Variants in L3MBTL4 observed in about 807,000 individuals in gnomAD.
L3MBTL4 encodes L3MBTL histone methyl-lysine binding protein 4, also known as lethal(3)malignant brain tumor-like protein 4.
Under a neutral mutation model 84.5 loss-of-function variants are expected in L3MBTL4, and 70 were observed. The observed-to-expected ratio is 0.83, with a 90% confidence interval of 0.68 to 1.01. The LOEUF is 1.01. Among genes scored for constraint, L3MBTL4 ranks in the 50% least tolerant of loss-of-function variants. The pLI is 0.00. For missense variants in L3MBTL4, 715 were observed against 754.8 expected, an observed-to-expected ratio of 0.95 and a Z score of 0.62; for synonymous variants, 274 against 259.8, an observed-to-expected ratio of 1.05 and a Z score of -0.52.
intron 13 of L3MBTL4, among the ~76,000 whole-genome samples, chr18:6,152,047 G>C (rs113805725): frequency 2.6e-4 from 39 of 152,254 alleles, no homozygotes; most frequent in African/African-American, 9.1e-4. Context: ...CATGATATTG[G>C]AAATGACAGG....
At chr18:6,031,937 C>A in intron 16 of L3MBTL4, 1 of 684,360 alleles carries the variant, frequency 1.5e-6, no homozygotes. Context: ...TGGTTTGTAC[C>A]CATTAAAAGG....
intron 14 of L3MBTL4, among the ~76,000 whole-genome samples, chr18:6,129,366 C>CTGTGTGTG (rs761956097): frequency 0.029 from 4,082 of 138,854 alleles, 59 homozygotes; most frequent in Middle Eastern, 0.078. Context: ...CTGGAATTCT[C>CTGTGTGTG]TCTGTGTGTG....
At chr18:5,978,647 G>C (rs920423457) in intron 16 of L3MBTL4, among the ~76,000 whole-genome samples, 3 of 152,100 alleles carry the variant, frequency 2.0e-5, no homozygotes, top group African/African-American at 7.2e-5. Context: ...TGCTGGGTTG[G>C]GCATGCACAA....
At chr18:6,085,933 T>G (rs188376615) in intron 15 of L3MBTL4, among the ~76,000 whole-genome samples, 28 of 152,360 alleles carry the variant, frequency 1.8e-4, no homozygotes, top group African/African-American at 6.7e-4. Context: ...ATTCTTAATT[T>G]CTTAAAACTT....
intron 12 of L3MBTL4, among the ~76,000 whole-genome samples, chr18:6,184,816 G>C (rs749533587): frequency 5.3e-5 from 8 of 152,146 alleles, no homozygotes; most frequent in Non-Finnish European, 1.0e-4. Flanking sequence ...GCGTAAAAGT[G>C]AAGAAGTTGC....
intron 10 of L3MBTL4, among the ~76,000 whole-genome samples, chr18:6,225,410 T>C (rs1316086500): frequency 1.3e-5 from 2 of 152,116 alleles, no homozygotes; most frequent in Non-Finnish European, 2.9e-5. Flanking sequence ...AAAGCTCCCT[T>C]CCAGAGCACC....
intron 1 of L3MBTL4, among the ~76,000 whole-genome samples, chr18:6,370,708 CG>C (rs2054125708): frequency 6.6e-6 from 1 of 152,064 alleles, no homozygotes; most frequent in South Asian, 2.1e-4. Context: ...GAGACTGAGC[CG>C]GGAGGTAGAC....
intron 14 of L3MBTL4, among the ~76,000 whole-genome samples, chr18:6,117,830 T>G (rs2059402930): frequency 6.6e-6 from 1 of 152,208 alleles, no homozygotes; most frequent in African/African-American, 2.4e-5. Context: ...TTCTTAATAT[T>G]CACATATTGG....
intron 16 of L3MBTL4, among the ~76,000 whole-genome samples, chr18:6,039,332 C>A (rs1362053133): frequency 6.6e-6 from 1 of 152,052 alleles, no homozygotes; most frequent in Non-Finnish European, 1.5e-5. Flanking sequence ...ATTTTCTCTG[C>A]TTTTAAAAAG....
intron 16 of L3MBTL4, among the ~76,000 whole-genome samples, chr18:6,057,997 T>G (rs1261381859): frequency 6.6e-6 from 1 of 152,236 alleles, no homozygotes; most frequent in African/African-American, 2.4e-5. Flanking sequence ...TCTTAACTTT[T>G]GTAATAATCA....
chr18:6,099,585 A>AATATATATATATATATATAT (rs36091567), intron 14 of L3MBTL4, among the ~76,000 whole-genome samples: 1,060 of 64,584 alleles, frequency 0.016, 169 homozygotes, highest in Non-Finnish European at 0.021. Flanking sequence ...AGATAATGTA[A>AATATATATATATATATATAT]ATATATATAT....
intron 16 of L3MBTL4, among the ~76,000 whole-genome samples, chr18:6,021,438 A>T (rs1167863663): frequency 6.6e-6 from 1 of 152,214 alleles, no homozygotes; most frequent in Non-Finnish European, 1.5e-5. Context: ...ACAATGGAAA[A>T]ATAGACTGAA....
intron 12 of L3MBTL4, among the ~76,000 whole-genome samples, chr18:6,173,323 G>C (rs2044067946): frequency 6.6e-6 from 1 of 152,182 alleles, no homozygotes; most frequent in Non-Finnish European, 1.5e-5. Flanking sequence ...TCCCAGATGA[G>C]CCCTTAACAT....
chr18:6,403,938 GCTTTGCTGCAA>G (rs771731653), intron 1 of L3MBTL4, among the ~76,000 whole-genome samples: 5 of 152,214 alleles, frequency 3.3e-5, no homozygotes, highest in Non-Finnish European at 5.9e-5. Context: ...GAAATAATGG[GCTTTGCTGCAA>G]CTTGGATGTG....
At chr18:6,289,056 T>C (rs966682606) in intron 4 of L3MBTL4, among the ~76,000 whole-genome samples, 3 of 151,998 alleles carry the variant, frequency 2.0e-5, no homozygotes, top group African/African-American at 7.2e-5. Flanking sequence ...GAATCTTATA[T>C]AGTAAGTTGT....
chr18:6,286,254 T>A (rs951438012), intron 4 of L3MBTL4, among the ~76,000 whole-genome samples: 15 of 151,966 alleles, frequency 9.9e-5, no homozygotes, highest in African/African-American at 3.6e-4. Context: ...ACTTGAGGTC[T>A]GGAGTTTGAG....
chr18:6,216,249 C>T lies in L3MBTL4; in HGVS notation c.785-414G>A, dbSNP rs115025128. On this transcript the variant is annotated intron_variant, in intron 10 of 18. Transcript: ENST00000317931. The stretch of plus-strand genomic sequence containing the variant: ...AAGACTCTGAAAATCTTTCAAATTT[C>T]TCTAATCATTCTATATCTATTAAAG... Among the ~76,000 whole-genome samples, 1,471 of 152,256 alleles carry T rather than the reference C, an allele frequency of 9.7e-3. 33 individuals carry two copies. The highest frequency in any genetic ancestry group is 0.034 in the African/African-American group (1,399 of 41,542).
At chr18:6,359,795 T>C (rs1389790977) in intron 1 of L3MBTL4, among the ~76,000 whole-genome samples, 2 of 151,992 alleles carry the variant, frequency 1.3e-5, no homozygotes. Flanking sequence ...ATGTTTTCAA[T>C]GAAAGAGACT....
intron 1 of L3MBTL4, among the ~76,000 whole-genome samples, chr18:6,358,833 G>A (rs1043780241): frequency 6.6e-6 from 1 of 152,238 alleles, no homozygotes; most frequent in South Asian, 2.1e-4. Flanking sequence ...ATGAGCAGAA[G>A]CACTGGCCTG....
Sources: allele counts gnomAD v4.1 joint callset (sites outside exome capture counted in the v4.1 genomes callset), GRCh38; gene constraint gnomAD v4.1.1; transcripts MANE v1.5; gene names NCBI Gene and HGNC (gene_info 2026-07-23, HGNC 2026-07-21).